Variants in LRIG3 observed in about 807,000 individuals in gnomAD.
LRIG3 encodes leucine-rich repeats and immunoglobulin-like domains protein 3.
Under a neutral mutation model 114.5 loss-of-function variants are expected in LRIG3, and 76 were observed. The observed-to-expected ratio is 0.66, with a 90% CI of 0.55 to 0.80. The LOEUF (loss-of-function observed/expected upper bound fraction) is 0.80. Ranked by LOEUF, LRIG3 falls within the 30% of genes least tolerant of loss-of-function variation. The pLI is 0.00. For missense variants in LRIG3, 1,239 were observed against 1,382.8 expected, an observed-to-expected ratio of 0.90 and a Z score of 1.65; for synonymous variants, 512 against 519.8, an observed-to-expected ratio of 0.98 and a Z score of 0.20.
At chr12:58,888,573 T>C in intron 6 of LRIG3, 101 bp from the exon 7 acceptor site, 2 of 1,451,720 alleles carry the variant, frequency 1.4e-6, no homozygotes, top group South Asian at 2.8e-5. Flanking sequence ...CCTATTGTTA[T>C]TAGATGTTTA....
chr12:58,901,981 A>C (rs1401253695), intron 3 of LRIG3, among the ~76,000 whole-genome samples: 1 of 152,176 alleles, frequency 6.6e-6, no homozygotes, highest in East Asian at 1.9e-4. Flanking sequence ...AACGCACTAA[A>C]CTATCAACAA....
chr12:58,882,943 T>A lies in LRIG3; in HGVS notation c.1406A>T (p.Asn469Ile), dbSNP rs759184216. ...CAGCTGAGGATGGGCACAACTGGCA[T>A]TTACAAAGCTCTGAAAGTTGTTTTC... ...VAENNFQSFV[N>I]ASCAHPQLLK... The change falls in exon 12 of 19, where the codon AAT becomes ATT. Residue 469 changes from asparagine (N) to isoleucine (I), a missense_variant. Physicochemically the swap from Asn to Ile is moderately radical, Grantham distance 149. Transcript: ENST00000320743. 5 of 1,614,160 alleles carry A rather than the reference T, an allele frequency of 3.1e-6. No homozygotes were observed. The highest frequency in any genetic ancestry group is 3.3e-4 in the Middle Eastern group (2 of 6,062).
intron 7 of LRIG3, 42 bp from the exon 8 acceptor site, chr12:58,887,974 A>G (rs757809821): frequency 8.9e-6 from 14 of 1,567,444 alleles, no homozygotes; most frequent in Non-Finnish European, 1.2e-5. Flanking sequence ...TTATTTTTCA[A>G]TTCAACACAA....
At chr12:58,909,428 CT>C (rs1872189016) in intron 3 of LRIG3, among the ~76,000 whole-genome samples, 1 of 152,116 alleles carries the variant, frequency 6.6e-6, no homozygotes, top group Non-Finnish European at 1.5e-5. Flanking sequence ...GTTATCTTTT[CT>C]TTTCTTCATT....
At chr12:58,904,362 G>A (rs577304441) in intron 3 of LRIG3, among the ~76,000 whole-genome samples, 1 of 152,162 alleles carries the variant, frequency 6.6e-6, no homozygotes, top group Admixed American at 6.5e-5. Context: ...TTATTGTCTT[G>A]TCTCTCTTGG....
chr12:58,876,742 ATTGT>A (rs1438177670), intron 15 of LRIG3, 139 bp from the exon 16 acceptor site: 13 of 817,062 alleles, frequency 1.6e-5, no homozygotes, highest in Non-Finnish European at 2.4e-5. Flanking sequence ...AACCATCTCG[ATTGT>A]ACAGTATTCT....
chr12:58,919,063 C>T (rs953640300), intron 1 of LRIG3, among the ~76,000 whole-genome samples: 5 of 152,120 alleles, frequency 3.3e-5, no homozygotes, highest in South Asian at 2.1e-4. Context: ...ATGAAGTGCA[C>T]TTTTATTTTA....
intron 3 of LRIG3, among the ~76,000 whole-genome samples, chr12:58,910,963 G>C (rs778559589): frequency 6.6e-6 from 1 of 151,920 alleles, no homozygotes. Flanking sequence ...GAGTTTTACT[G>C]TAAGATATGT....
intron 10 of LRIG3, among the ~76,000 whole-genome samples, chr12:58,884,523 G>A (rs1039423410): frequency 2.6e-5 from 4 of 152,180 alleles, no homozygotes; most frequent in Non-Finnish European, 4.4e-5. Context: ...TCCCAGAAAC[G>A]GAATGGGCCA....
At position 58,872,922 on chromosome 12, in the gene LRIG3, T is replaced by C. The variant is rs1430199457; in HGVS notation, c.3116-106A>G. 2.1e-6 allele frequency: 3 copies of C among 1,434,220 alleles called. No individual in the cohort carries two copies. The African/African-American group carries it at 4.3e-5, about 20-fold the overall frequency. The allele number at this position is 1,434,220 out of a possible 1,614,324, so 88.8% of individuals were successfully genotyped here. ...ATCTTACCCCATGAATATGAGTAAG[T>C]GTTTTCTACAAGTCCACATTATGGC... On this transcript the variant is annotated intron_variant, in intron 18 of 18. Coordinates refer to ENST00000320743, the MANE Select transcript of LRIG3 (RefSeq NM_153377.5).
In LRIG3 at chr12:58,873,890, G is replaced by A. The variant is rs1870817803; in HGVS notation, c.3115+165C>T. ...CATCATCAAGTAAAATCCCACCTCT[G>A]ACTTTGCTTTTGGAGGCATTTACAC... On this transcript the variant is annotated intron_variant, in intron 18 of 18. Transcript: ENST00000320743. The A allele has an allele frequency of 4.0e-6, 3 of 753,912 alleles. No individual in the cohort carries two copies. The Admixed American group carries it at 7.2e-5, about 18-fold the overall frequency. 46.7% of individuals were successfully genotyped at this position (753,912 alleles called of 1,614,324 possible).
At chr12:58,884,589 C>A (rs566194942) in intron 10 of LRIG3, among the ~76,000 whole-genome samples, 1 of 152,282 alleles carries the variant, frequency 6.6e-6, no homozygotes, top group African/African-American at 2.4e-5. Flanking sequence ...TCAATAAATA[C>A]TGCAATGTTG....
intron 3 of LRIG3, among the ~76,000 whole-genome samples, chr12:58,908,622 G>A (rs1565623183): frequency 6.6e-6 from 1 of 152,076 alleles, no homozygotes. Flanking sequence ...GCTATTGTCA[G>A]AATTATTATT....
chr12:58,914,318 T>C lies in LRIG3; in HGVS notation c.255A>G (p.Arg85=), dbSNP rs1259483501. The change falls in exon 2 of 19, where the codon AGA becomes AGG. Residue 85 remains arginine, a synonymous_variant. Transcript: ENST00000320743. ...TGGAACTTGCCTTGATGAAAGATAA[T>C]CTGTTGTGACTTAAGTCCCTATAAG... ...WVARLDLSHN[R]LSFIKASSMS... The C allele has an allele frequency of 5.0e-6, 8 of 1,613,766 alleles. No individual in the cohort carries two copies. The highest frequency in any genetic ancestry group is 6.8e-6 in the Non-Finnish European group (8 of 1,179,774).
chr12:58,913,799 A>T, intron 3 of LRIG3, 183 bp downstream of exon 3: 1 of 562,820 alleles, frequency 1.8e-6, no homozygotes, highest in Non-Finnish European at 3.1e-6. Flanking sequence ...GAATACATGA[A>T]ATTTAGCAGT....
chr12:58,882,860 T>TA lies in LRIG3; in HGVS notation c.1480+8dup. Reference sequence around the variant, plus strand: ...ATAAATAAAAGGCAAGGGCAATACTTATACTCACCACACACAAAGCCATCT... The same window carrying TA: ...ATAAATAAAAGGCAAGGGCAATACTTAATACTCACCACACACAAAGCCATCT... On this transcript the variant is annotated intron_variant, in intron 12 of 18. Transcript: ENST00000320743. 6.2e-7 allele frequency: 1 copy of TA among 1,611,044 alleles called. No homozygotes were observed. The highest frequency in any genetic ancestry group is 8.5e-7 in the Non-Finnish European group (1 of 1,178,796).
At chr12:58,879,191 T>C (rs11172791) in intron 13 of LRIG3, 86 bp from the exon 14 acceptor site, 59,600 of 1,413,244 alleles carry the variant, frequency 0.042, 1,359 homozygotes, top group East Asian at 0.048. Context: ...GTTTGTTTGT[T>C]TGATACTTAC....
At chr12:58,878,055 G>GAT (rs1390458030) in intron 14 of LRIG3, among the ~76,000 whole-genome samples, 1 of 152,090 alleles carries the variant, frequency 6.6e-6, no homozygotes, top group Non-Finnish European at 1.5e-5. Context: ...ACCAGTTAAG[G>GAT]ATAATATCTA....
At chr12:58,887,018 A>G (rs936582700) in intron 8 of LRIG3, 128 bp from the exon 9 acceptor site, 3 of 623,820 alleles carry the variant, frequency 4.8e-6, no homozygotes, top group African/African-American at 3.8e-5. Context: ...CTCTCAAAAT[A>G]ATAGAAAACT....
Sources: gnomAD v4.1 joint callset for allele counts (sites outside exome capture counted in the v4.1 genomes callset) on GRCh38, gnomAD v4.1.1 for gene constraint, MANE v1.5 for transcripts, NCBI Gene and HGNC (gene_info 2026-07-23, HGNC 2026-07-21) for gene names.